AAR2: variants seen among roughly 807,000 people sequenced by gnomAD.
AAR2 encodes the protein protein AAR2 homolog.
Under a neutral mutation model 26.9 loss-of-function variants are expected in AAR2, and 31 were observed. That is an observed-to-expected ratio of 1.15 (90% confidence interval 0.86 to 1.55). The LOEUF is 1.55. AAR2 is among the 40% of genes most tolerant of loss of function. AAR2 has a pLI of 0.00. For missense variants in AAR2, 430 were observed against 491.3 expected (o/e 0.88, Z 1.18); for synonymous variants, 188 against 196.1 (o/e 0.96, Z 0.34).
At chr20:36,239,722 G>T in intron 1 of AAR2, 99 bp from the exon 2 acceptor site, 1 of 903,790 alleles carries the variant, frequency 1.1e-6, no homozygotes, top group Non-Finnish European at 1.6e-6. Flanking sequence ...AAATAATTAT[G>T]TCAGGGGTCT....
At chr20:36,247,894 TGTG>T (rs1027973890) in intron 3 of AAR2, among the ~76,000 whole-genome samples, 10 of 143,688 alleles carry the variant, frequency 7.0e-5, no homozygotes, top group African/African-American at 1.8e-4. Flanking sequence ...AAAATAAAAT[TGTG>T]GTAAAAAAAA....
intron 3 of AAR2, among the ~76,000 whole-genome samples, chr20:36,254,666 T>C (rs1391928869): frequency 1.3e-5 from 2 of 152,216 alleles, no homozygotes; most frequent in Non-Finnish European, 2.9e-5. Flanking sequence ...GCTAAAATAA[T>C]ATGTATATTT....
chr20:36,240,542 T>G lies in AAR2; in HGVS notation c.674T>G (p.Ile225Arg), dbSNP rs1425317709. ...CCAGAGGGTGCCACGCCAGCTGAGA[T>G]AACCAAGCACAGCATGGACCTGAGC... ...MFPEGATPAEITKHSMDLSYA... is the reference protein window; with the variant it reads ...MFPEGATPAERTKHSMDLSYA... The change falls in exon 2 of 4, where the codon ATA (isoleucine) becomes AGA (arginine). Residue 225 changes from isoleucine to arginine, a missense_variant. By Grantham distance (97) the Ile-to-Arg change is moderately conservative. Transcript: ENST00000320849. 6 of 1,613,736 alleles carry G rather than the reference T, an allele frequency of 3.7e-6. No individual in the cohort carries two copies. The highest frequency in any genetic ancestry group is 4.2e-6 in the Non-Finnish European group (5 of 1,180,036).
At position 36,241,140 on chromosome 20, in the gene AAR2, TAAAAG is replaced by T. The variant is rs377536919; in HGVS notation, c.757+520_757+524del. Among the ~76,000 whole-genome samples, 301 of 152,276 alleles carry T rather than the reference TAAAAG, an allele frequency of 2.0e-3. 2 individuals are homozygous for T. The highest frequency in any genetic ancestry group is 7.0e-3 in the African/African-American group (290 of 41,562). ...TTACAAAAATGATAGATAATAATCA[TAAAAG>T]AAAAACAAAATTTACTTCAAATCTC... On this transcript the variant is annotated intron_variant, in intron 2 of 3. Transcript: ENST00000320849.
intron 1 of AAR2, among the ~76,000 whole-genome samples, chr20:36,239,600 A>G (rs1017299190): frequency 3.0e-4 from 46 of 152,192 alleles, no homozygotes; most frequent in African/African-American, 1.1e-3. Flanking sequence ...GGTATCTTAT[A>G]GCTGTGAAGT....
rs186073954 is a variant in AAR2 at position 36,239,377 on chromosome 20, T to C, written c.-48-444T>C. 1.2e-4 allele frequency among the ~76,000 whole-genome samples: 19 copies of C among 152,344 alleles called. No homozygotes were observed. In the East Asian group the frequency reaches 3.7e-3, roughly 29 times the overall value. On this transcript the variant is annotated intron_variant, in intron 1 of 3. Coordinates refer to ENST00000320849, the MANE Select transcript of AAR2 (RefSeq NM_001271874.2). ...TTTAATCTTTCCAAATCTTTTGGGATAGTTTTTTGGCAGAATTGTAGTTTT... is the reference window on the plus strand; with the variant it reads ...TTTAATCTTTCCAAATCTTTTGGGACAGTTTTTTGGCAGAATTGTAGTTTT...
At chr20:36,242,310 T>C (rs1190487515) in intron 2 of AAR2, among the ~76,000 whole-genome samples, 8 of 151,630 alleles carry the variant, frequency 5.3e-5, no homozygotes, top group Admixed American at 3.9e-4. Context: ...AGACAGGACT[T>C]TTTATATCAT....
chr20:36,253,111 T>C (rs1159558082), intron 3 of AAR2, among the ~76,000 whole-genome samples: 1 of 149,580 alleles, frequency 6.7e-6, no homozygotes, highest in Non-Finnish European at 1.5e-5. Flanking sequence ...CCACTGCTGC[T>C]ACTCCAACGG....
intron 2 of AAR2, among the ~76,000 whole-genome samples, chr20:36,243,637 G>T (rs2064705282): frequency 1.3e-5 from 2 of 152,346 alleles, no homozygotes; most frequent in African/African-American, 4.8e-5. Flanking sequence ...CCCAGGGACA[G>T]TGGTGTCTGG....
chr20:36,246,655 A>G (rs934446561), intron 3 of AAR2, among the ~76,000 whole-genome samples: 1 of 152,214 alleles, frequency 6.6e-6, no homozygotes, highest in Non-Finnish European at 1.5e-5. Flanking sequence ...CTGGCTGTCC[A>G]GACCATTGTT....
rs1204120253 is a variant in AAR2 at position 36,255,786 on chromosome 20, G to T, written c.*41G>T. 6.2e-7 allele frequency: 1 copy of T among 1,611,358 alleles called. No homozygotes were observed. The highest frequency in any genetic ancestry group is 8.5e-7 in the Non-Finnish European group (1 of 1,178,506). The stretch of plus-strand genomic sequence containing the variant: ...CAGCTGCGAGGGGCCCCTTCCCACA[G>T]GGCTGCAGTCCTGGCCTCTCCATTT... On this transcript the variant is annotated 3_prime_UTR_variant, in exon 4 of 4. Coordinates refer to ENST00000320849, the MANE Select transcript of AAR2 (RefSeq NM_001271874.2).
chr20:36,241,491 T>C (rs1051554697), intron 2 of AAR2, among the ~76,000 whole-genome samples: 3 of 152,228 alleles, frequency 2.0e-5, no homozygotes, highest in Admixed American at 6.5e-5. Context: ...GTTTTCTCTA[T>C]TGTATCATCA....
intron 3 of AAR2, among the ~76,000 whole-genome samples, chr20:36,249,673 A>G (rs1362643994): frequency 6.6e-6 from 1 of 152,184 alleles, no homozygotes; most frequent in Non-Finnish European, 1.5e-5. Context: ...GCTTAGTCTC[A>G]TTGAGCCCTC....
chr20:36,242,813 T>C (rs961668036), intron 2 of AAR2, among the ~76,000 whole-genome samples: 86 of 151,984 alleles, frequency 5.7e-4, no homozygotes, highest in African/African-American at 2.0e-3. Flanking sequence ...TTCTTCAAAA[T>C]ATATCTTGCG....
Position 36,256,139 on chromosome 20 carries a change from G to T in AAR2, c.*394G>T, listed in dbSNP as rs2064819699. 1 of 165,402 alleles carries T rather than the reference G, an allele frequency of 6.0e-6. No homozygotes were observed. The highest frequency in any genetic ancestry group is 1.8e-4 in the South Asian group (1 of 5,408). 10.2% of individuals were successfully genotyped at this position (165,402 alleles called of 1,614,324 possible). On this transcript the variant is annotated 3_prime_UTR_variant, in exon 4 of 4. Transcript: ENST00000320849. ...AGGAGCTTAGGAAACAAGAAACCCT[G>T]GATTGCCCAGGGGGTCTGAGAAGTT...
chr20:36,247,311 C>T (rs2064743497), intron 3 of AAR2, among the ~76,000 whole-genome samples: 2 of 152,148 alleles, frequency 1.3e-5, no homozygotes, highest in Non-Finnish European at 1.5e-5. Context: ...CCGTGCTTAC[C>T]AGTTACCCCA....
intron 3 of AAR2, among the ~76,000 whole-genome samples, chr20:36,246,673 C>T (rs571764601): frequency 2.8e-4 from 43 of 152,330 alleles, no homozygotes; most frequent in African/African-American, 9.9e-4. Flanking sequence ...GTTAGCACAA[C>T]CAGCAGCTGA....
chr20:36,238,169 A>G (rs1463402547), intron 1 of AAR2, among the ~76,000 whole-genome samples: 3 of 152,212 alleles, frequency 2.0e-5, no homozygotes, highest in Non-Finnish European at 4.4e-5. Context: ...GGCACAACCA[A>G]GTATACACAC....
intron 2 of AAR2, among the ~76,000 whole-genome samples, chr20:36,242,245 G>A (rs933965057): frequency 4.0e-5 from 6 of 149,628 alleles, no homozygotes; most frequent in East Asian, 2.0e-4. Context: ...TCAACCTCTC[G>A]GGCCCAAGTG....
Sources: gnomAD v4.1 joint callset for allele counts (sites outside exome capture counted in the v4.1 genomes callset) on GRCh38, gnomAD v4.1.1 for gene constraint, MANE v1.5 for transcripts, NCBI Gene and HGNC (gene_info 2026-07-23, HGNC 2026-07-21) for gene names.